The following ACVR2A variants were observed in gnomAD, a reference collection of about 807,000 sequenced individuals.
ACVR2A encodes activin receptor type-2A.
Under a neutral mutation model 61.4 loss-of-function variants are expected in ACVR2A, and 7 were observed. That is an observed-to-expected ratio of 0.11 (90% confidence interval 0.06 to 0.21). ACVR2A has a LOEUF of 0.21. Ranked by LOEUF, ACVR2A falls within the 10% of genes least tolerant of loss-of-function variation. The pLI, the probability that ACVR2A is intolerant of heterozygous loss-of-function variation, is 1.00. For missense variants in ACVR2A, 322 were observed against 621.7 expected (o/e 0.52, Z 5.13); for synonymous variants, 193 against 208.3 (o/e 0.93, Z 0.63).
rs1687594348 is a variant in ACVR2A, at chr2:147,929,304, G to C, written c.*2030G>C. The C allele has an allele frequency of 6.6e-6, 1 of 151,928 alleles. No individual in the cohort carries two copies. The highest frequency in any genetic ancestry group is 6.6e-5 in the Admixed American group (1 of 15,204). 9.4% of individuals were successfully genotyped at this position (151,928 alleles called of 1,614,324 possible). A position where few individuals can be genotyped will look rare whatever the true frequency, so the allele number is the denominator to read the frequency against. ...CAAGAAGGGAAAATATTGAGAATGTGCATACAAGAAAATCATTAATTTCCT... is the reference window on the plus strand; with the variant it reads ...CAAGAAGGGAAAATATTGAGAATGTCCATACAAGAAAATCATTAATTTCCT... On this transcript the variant is annotated 3_prime_UTR_variant, in exon 11 of 11. Transcript: ENST00000241416.
intron 4 of ACVR2A, among the ~76,000 whole-genome samples, chr2:147,910,691 T>TTTTAAATTTA (rs1687091947): frequency 1.3e-5 from 2 of 152,150 alleles, no homozygotes; most frequent in Admixed American, 1.3e-4. Flanking sequence ...TTTCTTTTAA[T>TTTTAAATTTA]TTTAAATTTA....
chr2:147,884,082 A>C (rs1315845315), intron 1 of ACVR2A, among the ~76,000 whole-genome samples: 2 of 152,082 alleles, frequency 1.3e-5, no homozygotes, highest in African/African-American at 4.8e-5. Flanking sequence ...TTGTTTCCTT[A>C]ATTTTTTTAG....
At chr2:147,859,262 C>T (rs1163126635) in intron 1 of ACVR2A, among the ~76,000 whole-genome samples, 2 of 152,040 alleles carry the variant, frequency 1.3e-5, no homozygotes, top group East Asian at 3.9e-4. Context: ...TTTCCTTCTT[C>T]CCTGATCTCT....
chr2:147,905,990 C>T (rs1686980733), intron 4 of ACVR2A, among the ~76,000 whole-genome samples: 2 of 152,050 alleles, frequency 1.3e-5, no homozygotes. Context: ...TTCAGGTTTT[C>T]TTTGGCTTGT....
intron 1 of ACVR2A, among the ~76,000 whole-genome samples, chr2:147,868,625 A>T (rs971704551): frequency 2.7e-5 from 4 of 148,116 alleles, no homozygotes; most frequent in African/African-American, 7.5e-5. Flanking sequence ...ATTTTATTTT[A>T]TTTATTTATT....
At chr2:147,918,633 A>G (rs1194576719) in intron 7 of ACVR2A, 41 bp downstream of exon 7, 2 of 1,542,006 alleles carry the variant, frequency 1.3e-6, no homozygotes, top group African/African-American at 1.4e-5. Context: ...AATTGAGTAT[A>G]TATTTACTAA....
chr2:147,870,893 A>G (rs1343860861), intron 1 of ACVR2A, among the ~76,000 whole-genome samples: 2 of 151,788 alleles, frequency 1.3e-5, no homozygotes, highest in East Asian at 3.9e-4. Context: ...TACTGCTTCT[A>G]TGAAGCCTTT....
At chr2:147,846,383 GGTGTGTGT>G (rs150022727) in intron 1 of ACVR2A, among the ~76,000 whole-genome samples, 2 of 150,006 alleles carry the variant, frequency 1.3e-5, no homozygotes, top group Non-Finnish European at 3.0e-5. Flanking sequence ...ACCTCTGTGG[GGTGTGTGT>G]GTGTGTGTTT....
chr2:147,907,897 G>A (rs1687023896), intron 4 of ACVR2A, among the ~76,000 whole-genome samples: 2 of 151,966 alleles, frequency 1.3e-5, no homozygotes, highest in Admixed American at 6.6e-5. Context: ...AAATTAGCCA[G>A]GCATGGTGGT....
intron 1 of ACVR2A, among the ~76,000 whole-genome samples, chr2:147,878,422 A>T (rs1686213138): frequency 6.6e-6 from 1 of 151,422 alleles, no homozygotes; most frequent in Non-Finnish European, 1.5e-5. Flanking sequence ...GACAGACATG[A>T]CTTTTACAAA....
intron 1 of ACVR2A, 43 bp downstream of exon 1, chr2:147,845,250 CGCG>C: frequency 1.9e-6 from 3 of 1,583,916 alleles, no homozygotes; most frequent in Non-Finnish European, 2.6e-6. Context: ...CTCCTGCGGC[CGCG>C]GCGGCCGCTG....
intron 4 of ACVR2A, among the ~76,000 whole-genome samples, chr2:147,908,140 G>A (rs1687032449): frequency 6.6e-6 from 1 of 151,632 alleles, no homozygotes. Flanking sequence ...GTGACTATAT[G>A]TGGCCTTGTA....
chr2:147,858,155 C>T (rs1685634448), intron 1 of ACVR2A, among the ~76,000 whole-genome samples: 1 of 152,148 alleles, frequency 6.6e-6, no homozygotes, highest in Admixed American at 6.5e-5. Flanking sequence ...GCTTTTATGG[C>T]CATACATGCA....
At chr2:147,853,624 A>C (rs556657071) in intron 1 of ACVR2A, among the ~76,000 whole-genome samples, 1 of 152,236 alleles carries the variant, frequency 6.6e-6, no homozygotes, top group Non-Finnish European at 1.5e-5. Context: ...TAAAGCAAGA[A>C]GAGAGTTACT....
chr2:147,922,123 C>T (rs541136313), intron 8 of ACVR2A, among the ~76,000 whole-genome samples: 7 of 152,140 alleles, frequency 4.6e-5, no homozygotes, highest in African/African-American at 1.7e-4. Context: ...AATAATTATT[C>T]TGAGTAGTAA....
chr2:147,868,570 C>G (rs1329122997), intron 1 of ACVR2A, among the ~76,000 whole-genome samples: 1 of 151,436 alleles, frequency 6.6e-6, no homozygotes, highest in Non-Finnish European at 1.5e-5. Context: ...AATCTGTTCC[C>G]TGCCCCCCCC....
intron 4 of ACVR2A, among the ~76,000 whole-genome samples, chr2:147,912,364 T>C (rs1262029359): frequency 2.0e-5 from 3 of 151,988 alleles, no homozygotes; most frequent in Non-Finnish European, 2.9e-5. Flanking sequence ...ATAGCATGGA[T>C]GTTGTAAGAG....
intron 1 of ACVR2A, among the ~76,000 whole-genome samples, chr2:147,860,235 G>T (rs1020996313): frequency 2.0e-5 from 3 of 152,114 alleles, no homozygotes; most frequent in Non-Finnish European, 2.9e-5. Context: ...TGAGGATGAG[G>T]TTTAGTGAGG....
intron 1 of ACVR2A, among the ~76,000 whole-genome samples, chr2:147,857,947 C>T (rs1182848861): frequency 1.3e-5 from 2 of 152,068 alleles, no homozygotes; most frequent in African/African-American, 4.8e-5. Context: ...GCCTAGTACT[C>T]ATTAGTTATT....
Sources: allele counts gnomAD v4.1 joint callset (sites outside exome capture counted in the v4.1 genomes callset), GRCh38; gene constraint gnomAD v4.1.1; transcripts MANE v1.5; gene names NCBI Gene and HGNC (gene_info 2026-07-23, HGNC 2026-07-21).